Variants in ITGB3BP observed in about 807,000 individuals in gnomAD.
ITGB3BP encodes integrin subunit beta 3 binding protein.
Under a neutral mutation model 29.1 loss-of-function variants are expected in ITGB3BP, and 27 were observed. The observed-to-expected ratio is 0.93, with a 90% CI of 0.68 to 1.28. ITGB3BP has a LOEUF of 1.28. ITGB3BP is among the 50% of genes most tolerant of loss of function. The pLI is 0.00. For missense variants in ITGB3BP, 192 were observed against 200.2 expected, an observed-to-expected ratio of 0.96 and a Z score of 0.25; for synonymous variants, 61 against 61.4, an observed-to-expected ratio of 0.99 and a Z score of 0.03.
chr1:63,477,372 A>G lies in ITGB3BP; in HGVS notation c.254+1392T>C, dbSNP rs137905712. Among the ~76,000 whole-genome samples, 71 of 152,340 alleles carry G rather than the reference A, an allele frequency of 4.7e-4. 1 individual carries two copies. Among genetic ancestry groups the G allele is most frequent in the African/African-American group, 1.6e-3 (67 of 41,576 alleles). ...TGTAAATGACTCCAAAAACATTTGT[A>G]AACATAACCCATTTCTAAATTGAGG... On this transcript the variant is annotated intron_variant, in intron 4 of 8. Coordinates refer to ENST00000271002, the MANE Select transcript of ITGB3BP (RefSeq NM_014288.5).
intron 2 of ITGB3BP, among the ~76,000 whole-genome samples, chr1:63,505,102 G>T (rs1646042459): frequency 1.3e-5 from 2 of 152,168 alleles, no homozygotes; most frequent in African/African-American, 4.8e-5. Flanking sequence ...GCTCCTCCTT[G>T]TACCTCTGGT....
chr1:63,476,096 G>C (rs763418024), intron 4 of ITGB3BP, among the ~76,000 whole-genome samples: 1 of 151,604 alleles, frequency 6.6e-6, no homozygotes, highest in East Asian at 1.9e-4. Context: ...ATTTACAGGA[G>C]GGATCACAGT....
chr1:63,489,459 T>C (rs781732107), intron 3 of ITGB3BP, among the ~76,000 whole-genome samples: 19 of 151,014 alleles, frequency 1.3e-4, no homozygotes, highest in Non-Finnish European at 2.4e-4. Context: ...AATCAATATT[T>C]TAGCAATGAA....
chr1:63,463,872 A>C (rs1645058388), intron 4 of ITGB3BP, among the ~76,000 whole-genome samples: 1 of 152,184 alleles, frequency 6.6e-6, no homozygotes, highest in African/African-American at 2.4e-5. Flanking sequence ...CAAATTGATC[A>C]ATAGGAATTG....
At chr1:63,482,570 A>G (rs1325088576) in intron 3 of ITGB3BP, among the ~76,000 whole-genome samples, 1 of 152,006 alleles carries the variant, frequency 6.6e-6, no homozygotes, top group African/African-American at 2.4e-5. Context: ...CTATTCTTTT[A>G]ATAAACCAAA....
At chr1:63,500,018 C>A (rs193226125) in intron 2 of ITGB3BP, among the ~76,000 whole-genome samples, 1 of 152,080 alleles carries the variant, frequency 6.6e-6, no homozygotes, top group African/African-American at 2.4e-5. Context: ...AAATAAAAGG[C>A]GTAGATTGCA....
chr1:63,515,964 A>G (rs1022011958), intron 1 of ITGB3BP, among the ~76,000 whole-genome samples: 141 of 152,172 alleles, frequency 9.3e-4, no homozygotes, highest in African/African-American at 3.3e-3. Flanking sequence ...TCACAACAGC[A>G]AAGTCATGGA....
At chr1:63,518,625 G>A (rs1015542152) in intron 1 of ITGB3BP, among the ~76,000 whole-genome samples, 13 of 142,732 alleles carry the variant, frequency 9.1e-5, no homozygotes, top group African/African-American at 3.4e-4. Flanking sequence ...GTTGCTTATA[G>A]ACAGTAAAGA....
intron 1 of ITGB3BP, among the ~76,000 whole-genome samples, chr1:63,522,187 G>A (rs1437654549): frequency 1.3e-5 from 2 of 152,168 alleles, no homozygotes; most frequent in East Asian, 1.9e-4. Context: ...ATGAAAAAAC[G>A]TAGATAAATT....
intron 7 of ITGB3BP, among the ~76,000 whole-genome samples, chr1:63,449,970 C>G (rs1644840137): frequency 6.6e-6 from 1 of 151,822 alleles, no homozygotes; most frequent in Non-Finnish European, 1.5e-5. Flanking sequence ...TTAAAAAATA[C>G]TTCAGTGGGT....
intron 1 of ITGB3BP, among the ~76,000 whole-genome samples, chr1:63,520,545 T>C (rs1257737621): frequency 6.6e-6 from 1 of 152,126 alleles, no homozygotes. Flanking sequence ...AAGCTACACT[T>C]AGGGAGGACT....
At chr1:63,497,329 A>G (rs1175368076) in intron 2 of ITGB3BP, among the ~76,000 whole-genome samples, 4 of 152,092 alleles carry the variant, frequency 2.6e-5, no homozygotes, top group African/African-American at 9.7e-5. Context: ...AAAACAAAAA[A>G]TCCTTAACTT....
At chr1:63,498,859 G>A (rs1645854542) in intron 2 of ITGB3BP, among the ~76,000 whole-genome samples, 1 of 151,668 alleles carries the variant, frequency 6.6e-6, no homozygotes, top group South Asian at 2.1e-4. Flanking sequence ...TGGAAGGAAG[G>A]AAGGGATGGG....
chr1:63,528,537 C>T (rs1646637065), intron 2 of ITGB3BP, among the ~76,000 whole-genome samples: 1 of 151,984 alleles, frequency 6.6e-6, no homozygotes, highest in Non-Finnish European at 1.5e-5. Context: ...TAAAAAAAAT[C>T]ATTTAAGTGT....
intron 2 of ITGB3BP, 136 bp downstream of exon 2, chr1:63,508,392 G>C (rs1646125946): frequency 2.0e-6 from 1 of 502,034 alleles, no homozygotes. Context: ...AGAAAATGGT[G>C]TACCAATCAC....
intron 8 of ITGB3BP, among the ~76,000 whole-genome samples, chr1:63,446,119 G>A (rs1263242555): frequency 2.0e-5 from 3 of 151,528 alleles, no homozygotes; most frequent in Admixed American, 6.6e-5. Flanking sequence ...GGCTGGTCTC[G>A]AACTCCTGAC....
In ITGB3BP at chr1:63,450,762, GAAGA is replaced by G. The variant is rs1158104449; in HGVS notation, c.484+3152_484+3155del. Among the ~76,000 whole-genome samples the G allele has an allele frequency of 7.2e-5, 11 of 152,028 alleles. No individual in the cohort carries two copies. The East Asian group carries it at 1.5e-3, about 21-fold the overall frequency. On this transcript the variant is annotated intron_variant, in intron 7 of 8. Transcript: ENST00000271002. ...AATTAGGCTTATTTCCTAAGTAACT[GAAGA>G]AAGAAAGAAGCCTTCCTTTGTTTAA... is the stretch of plus-strand genomic sequence containing the variant.
At chr1:63,495,123 T>G (rs1570262662) in intron 2 of ITGB3BP, among the ~76,000 whole-genome samples, 1 of 152,290 alleles carries the variant, frequency 6.6e-6, no homozygotes, top group African/African-American at 2.4e-5. Flanking sequence ...ACTTTATGGT[T>G]TGGCTTTACT....
At chr1:63,505,907 AT>A (rs1646066733) in intron 2 of ITGB3BP, among the ~76,000 whole-genome samples, 1 of 151,992 alleles carries the variant, frequency 6.6e-6, no homozygotes, top group African/African-American at 2.4e-5. Context: ...GTTCTTTTAC[AT>A]TTGCTGAGGA....
Sources: gnomAD v4.1 joint callset for allele counts (sites outside exome capture counted in the v4.1 genomes callset) on GRCh38, gnomAD v4.1.1 for gene constraint, MANE v1.5 for transcripts, NCBI Gene and HGNC (gene_info 2026-07-23, HGNC 2026-07-21) for gene names.